The following WWOX variants were observed in gnomAD, a reference collection of about 807,000 sequenced individuals.
The protein encoded by WWOX is WW domain containing oxidoreductase.
In WWOX, 69 loss-of-function variants were observed where a neutral mutation model predicts 46.2. The ratio of observed to expected loss-of-function variants is 1.49; its 90% CI spans 1.23 to 1.82. The LOEUF (loss-of-function observed/expected upper bound fraction) is 1.82, where lower values mean the gene tolerates loss of function less well. WWOX is among the 40% of genes most tolerant of loss of function. The pLI is 0.00. For missense variants in WWOX, 919 were observed against 542.6 expected, an observed-to-expected ratio of 1.69 and a Z score of -6.89; for synonymous variants, 359 against 202.6, an observed-to-expected ratio of 1.77 and a Z score of -6.56.
intron 8 of WWOX, among the ~76,000 whole-genome samples, chr16:78,999,929 G>A (rs964768163): frequency 1.4e-4 from 21 of 152,160 alleles, no homozygotes; most frequent in Admixed American, 3.9e-4. Flanking sequence ...TCATGAGAAA[G>A]CATTGTGCCA....
At chr16:79,099,565 TGTGTGTGC>T (rs1175771502) in intron 8 of WWOX, among the ~76,000 whole-genome samples, 1 of 140,406 alleles carries the variant, frequency 7.1e-6, no homozygotes, top group African/African-American at 2.6e-5. Flanking sequence ...AAATGTAGAT[TGTGTGTGC>T]GTGTGTGTGT....
chr16:78,392,973 C>T (rs778973805), intron 6 of WWOX, among the ~76,000 whole-genome samples: 6 of 152,100 alleles, frequency 3.9e-5, no homozygotes, highest in Non-Finnish European at 7.3e-5. Context: ...GCGGTAGCAG[C>T]GGTCGTCGGC....
chr16:78,358,014 C>G (rs2081334324), intron 5 of WWOX, among the ~76,000 whole-genome samples: 1 of 152,154 alleles, frequency 6.6e-6, no homozygotes, highest in Non-Finnish European at 1.5e-5. Flanking sequence ...TGCATTAGGG[C>G]TGGGTAGAAC....
intron 8 of WWOX, among the ~76,000 whole-genome samples, chr16:78,644,704 C>T (rs1307457060): frequency 6.6e-6 from 1 of 152,184 alleles, no homozygotes; most frequent in Admixed American, 6.5e-5. Context: ...CTCAAGTGAT[C>T]TGCCCGCCTT....
In WWOX at chr16:79,118,123, C is replaced by G. The variant is rs1197029510; in HGVS notation, c.1057-93485C>G. 3.9e-5 allele frequency among the ~76,000 whole-genome samples: 6 copies of G among 152,204 alleles called. No individual in the cohort carries two copies. The East Asian group carries it at 1.2e-3, about 29-fold the overall frequency. On this transcript the variant is annotated intron_variant, in intron 8 of 8. Transcript: ENST00000566780. Reference sequence around the variant, plus strand: ...TCTCGTTAAGCTTAATCACTTCTAGCTTTTGATTTAAAGTGAGAGACATGC... The same window carrying G: ...TCTCGTTAAGCTTAATCACTTCTAGGTTTTGATTTAAAGTGAGAGACATGC...
chr16:79,034,234 C>A (rs542586214), intron 8 of WWOX, among the ~76,000 whole-genome samples: 38 of 152,120 alleles, frequency 2.5e-4, no homozygotes, highest in Non-Finnish European at 5.0e-4. Context: ...AGCCTCATGC[C>A]CAATGTAAAA....
At chr16:78,457,071 T>C (rs1354694679) in intron 8 of WWOX, among the ~76,000 whole-genome samples, 2 of 152,176 alleles carry the variant, frequency 1.3e-5, no homozygotes, top group Admixed American at 1.3e-4. Context: ...CACCCTACGA[T>C]TTGAATCTTC....
At chr16:78,812,872 A>T (rs2051227538) in intron 8 of WWOX, among the ~76,000 whole-genome samples, 1 of 152,176 alleles carries the variant, frequency 6.6e-6, no homozygotes, top group African/African-American at 2.4e-5. Flanking sequence ...ATTTTCTATC[A>T]TTTCACATCT....
intron 8 of WWOX, among the ~76,000 whole-genome samples, chr16:78,707,891 T>A (rs577650291): frequency 7.1e-4 from 106 of 149,100 alleles, no homozygotes; most frequent in Non-Finnish European, 1.4e-3. Flanking sequence ...ATAAATAAAG[T>A]ATCTGTCCCC....
chr16:78,649,972 A>G (rs114843888), intron 8 of WWOX, among the ~76,000 whole-genome samples: 7,734 of 152,264 alleles, frequency 0.051, 279 homozygotes, highest in Non-Finnish European at 0.076. Context: ...CTGTAATTCT[A>G]TGGAGGGAGG....
chr16:78,695,974 G>A (rs910675391), intron 8 of WWOX, among the ~76,000 whole-genome samples: 1 of 152,080 alleles, frequency 6.6e-6, no homozygotes, highest in Non-Finnish European at 1.5e-5. Context: ...CTTGGGCCCC[G>A]CCCCAGACCT....
At position 78,314,648 on chromosome 16, in the gene WWOX, C is replaced by G. The variant is rs1435185247; in HGVS notation, c.517-72212C>G. Among the ~76,000 whole-genome samples, 8 of 146,740 alleles carry G rather than the reference C, an allele frequency of 5.5e-5. No individual in the cohort carries two copies. The South Asian group carries it at 1.8e-3, about 33-fold the overall frequency. On this transcript the variant is annotated intron_variant, in intron 5 of 8. Coordinates refer to ENST00000566780, the MANE Select transcript of WWOX (RefSeq NM_016373.4). ...CAAGCGATTCTTCTGCCTCAGCCCC[C>G]TGAGTAGCTGGGACTACAGGCACAC...
At chr16:78,379,857 G>T (rs2081915975) in intron 5 of WWOX, among the ~76,000 whole-genome samples, 1 of 152,218 alleles carries the variant, frequency 6.6e-6, no homozygotes, top group Admixed American at 6.5e-5. Context: ...GTTGCCTTGA[G>T]ATGTTTTTTC....
intron 5 of WWOX, among the ~76,000 whole-genome samples, chr16:78,177,381 C>A (rs574383898): frequency 3.7e-4 from 56 of 152,330 alleles, no homozygotes; most frequent in Non-Finnish European, 5.3e-4. Flanking sequence ...TACCCCTAAA[C>A]TGTCATCGAT....
intron 8 of WWOX, among the ~76,000 whole-genome samples, chr16:79,000,612 A>G (rs1485843147): frequency 6.6e-6 from 1 of 152,192 alleles, no homozygotes; most frequent in Admixed American, 6.5e-5. Flanking sequence ...GCAAGGAAAG[A>G]GATTCTCTCC....
At chr16:78,444,181 G>A (rs1441920611) in intron 8 of WWOX, among the ~76,000 whole-genome samples, 1 of 152,124 alleles carries the variant, frequency 6.6e-6, no homozygotes, top group African/African-American at 2.4e-5. Context: ...TCCCAGCTCC[G>A]TGCCGGGCTC....
chr16:78,612,294 T>C (rs1380671708), intron 8 of WWOX, among the ~76,000 whole-genome samples: 2 of 152,170 alleles, frequency 1.3e-5, no homozygotes, highest in African/African-American at 4.8e-5. Context: ...GGATGTTGAT[T>C]TCTAAAGGAG....
intron 8 of WWOX, among the ~76,000 whole-genome samples, chr16:78,637,372 C>T (rs1336698713): frequency 6.6e-6 from 1 of 151,278 alleles, no homozygotes; most frequent in East Asian, 1.9e-4. Flanking sequence ...ACCCAGGAGG[C>T]AGAGGTTGCA....
intron 8 of WWOX, among the ~76,000 whole-genome samples, chr16:78,476,294 A>G (rs964785451): frequency 7.9e-5 from 12 of 152,184 alleles, no homozygotes; most frequent in African/African-American, 2.9e-4. Flanking sequence ...GTCTGATCAT[A>G]TCCTTCGCCC....
Sources: allele counts gnomAD v4.1 joint callset (sites outside exome capture counted in the v4.1 genomes callset), GRCh38; gene constraint gnomAD v4.1.1; transcripts MANE v1.5; gene names NCBI Gene and HGNC (gene_info 2026-07-23, HGNC 2026-07-21).